The following DDI2 variants were observed in gnomAD, a reference collection of about 807,000 sequenced individuals.
DDI2 encodes the protein protein DDI1 homolog 2.
Under a neutral mutation model 48.1 loss-of-function variants are expected in DDI2, and 5 were observed. The observed-to-expected ratio is 0.10, with a 90% CI of 0.05 to 0.22. DDI2 has a LOEUF of 0.22. DDI2 is among the 10% of genes least tolerant of loss of function. DDI2 has a pLI of 1.00. For synonymous variants in DDI2, 205 were observed against 183.6 expected (o/e 1.12, Z -0.94); for missense variants, 285 against 506.2 (o/e 0.56, Z 4.19).
At chr1:15,659,024 T>C (rs894533592) in intron 9 of DDI2, among the ~76,000 whole-genome samples, 3 of 152,320 alleles carry the variant, frequency 2.0e-5, no homozygotes, top group East Asian at 3.9e-4. Flanking sequence ...TAAAAACTTA[T>C]AAGCCTTTTA....
At chr1:15,637,566 C>T (rs1446842259) in intron 4 of DDI2, among the ~76,000 whole-genome samples, 1 of 152,190 alleles carries the variant, frequency 6.6e-6, no homozygotes, top group Non-Finnish European at 1.5e-5. Context: ...TGGGGTTTCA[C>T]CATGTTGGCC....
intron 4 of DDI2, among the ~76,000 whole-genome samples, chr1:15,636,462 G>T (rs1285668766): frequency 6.7e-6 from 1 of 148,964 alleles, no homozygotes; most frequent in African/African-American, 2.6e-5. Flanking sequence ...GAAGAGACAG[G>T]GTCAGCACCA....
chr1:15,646,550 G>C (rs1476793680), intron 6 of DDI2, among the ~76,000 whole-genome samples: 1 of 152,136 alleles, frequency 6.6e-6, no homozygotes, highest in Non-Finnish European at 1.5e-5. Context: ...AGCCGGGCGT[G>C]GTGGCGGGTG....
intron 2 of DDI2, 132 bp downstream of exon 2, chr1:15,626,930 C>A: frequency 8.7e-7 from 1 of 1,148,966 alleles, no homozygotes; most frequent in South Asian, 1.5e-5. Flanking sequence ...TTTTCCCTGC[C>A]GTGTAACCTT....
chr1:15,650,126 T>C (rs532184973), intron 7 of DDI2, among the ~76,000 whole-genome samples: 1 of 152,316 alleles, frequency 6.6e-6, no homozygotes, highest in South Asian at 2.1e-4. Flanking sequence ...TAGTAGTTTT[T>C]TGATGACCTG....
At chr1:15,633,188 C>T (rs1298708148) in intron 3 of DDI2, among the ~76,000 whole-genome samples, 2 of 152,054 alleles carry the variant, frequency 1.3e-5, no homozygotes, top group Non-Finnish European at 2.9e-5. Flanking sequence ...CTCAGCCTCC[C>T]AAAGTGTCGA....
rs1039933824 is a variant in DDI2 at position 15,662,239 on chromosome 1, A to T, written c.*2449A>T. ...TGGAATTCTACCCAGTGCTCTGTGTATCATGATTCATTAATTATAACAGGA... is the reference window on the plus strand; with the variant it reads ...TGGAATTCTACCCAGTGCTCTGTGTTTCATGATTCATTAATTATAACAGGA... On this transcript the variant is annotated 3_prime_UTR_variant, in exon 10 of 10. Transcript: ENST00000480945. 6.5e-6 allele frequency: 1 copy of T among 152,756 alleles called. No individual in the cohort carries two copies. The highest frequency in any genetic ancestry group is 1.5e-5 in the Non-Finnish European group (1 of 68,440). The allele number at this position is 152,756 out of a possible 1,614,324, so 9.5% of individuals were successfully genotyped here. A position where few individuals can be genotyped will look rare whatever the true frequency, so the allele number is the denominator to read the frequency against.
In DDI2 at chr1:15,650,201, A is replaced by C. The variant is rs149499556; in HGVS notation, c.993+378A>C. Among the ~76,000 whole-genome samples the C allele has an allele frequency of 1.1e-3, 173 of 152,376 alleles. 1 individual carries two copies. Among genetic ancestry groups the C allele is most frequent in the African/African-American group, 3.9e-3 (164 of 41,590 alleles). ...GATGCTGATCAAACAGTACTTGGGA[A>C]GAAGACCTTCAAGGTTAAGGAAGGT... is the stretch of plus-strand genomic sequence containing the variant. On this transcript the variant is annotated intron_variant, in intron 7 of 9. Coordinates refer to ENST00000480945, the MANE Select transcript of DDI2 (RefSeq NM_032341.5).
chr1:15,661,019 C>A lies in DDI2; in HGVS notation c.*1229C>A, dbSNP rs1418458233. On this transcript the variant is annotated 3_prime_UTR_variant, in exon 10 of 10. Transcript: ENST00000480945. ...GAAGAAGTAATCTGTCAATCAGAAA[C>A]CATAGCTGAGGGCCAAACCAGTATT... The A allele has an allele frequency of 6.2e-7, 1 of 1,614,060 alleles. No individual in the cohort carries two copies. Among genetic ancestry groups the A allele is most frequent in the East Asian group, 2.2e-5 (1 of 44,884 alleles).
chr1:15,647,840 T>A (rs1640114957), intron 6 of DDI2, among the ~76,000 whole-genome samples: 2 of 152,072 alleles, frequency 1.3e-5, no homozygotes, highest in Non-Finnish European at 2.9e-5. Flanking sequence ...ACCGTACGCC[T>A]GTAGTCCCAG....
intron 8 of DDI2, among the ~76,000 whole-genome samples, chr1:15,654,526 C>T (rs562550450): frequency 2.0e-5 from 3 of 151,984 alleles, no homozygotes; most frequent in East Asian, 1.9e-4. Context: ...GCCATGGTGG[C>T]GCGCCTATGG....
At chr1:15,633,635 A>G in intron 4 of DDI2, 70 bp downstream of exon 4, 2 of 1,589,116 alleles carry the variant, frequency 1.3e-6, no homozygotes, top group South Asian at 2.2e-5. Context: ...GTTATCTGAC[A>G]TTGGTTGGGC....
intron 4 of DDI2, among the ~76,000 whole-genome samples, chr1:15,635,847 G>A (rs6668507): frequency 0.012 from 1,810 of 152,294 alleles, 30 homozygotes; most frequent in African/African-American, 0.033. Context: ...GCAAGATGAA[G>A]TATACAATTA....
chr1:15,623,444 A>C (rs1170422643), intron 1 of DDI2, among the ~76,000 whole-genome samples: 5 of 130,922 alleles, frequency 3.8e-5, no homozygotes, highest in Non-Finnish European at 7.7e-5. Flanking sequence ...CCCAGGCTGG[A>C]GTGCAGTGGT....
At chr1:15,648,556 C>A (rs980805940) in intron 6 of DDI2, among the ~76,000 whole-genome samples, 1 of 152,072 alleles carries the variant, frequency 6.6e-6, no homozygotes, top group African/African-American at 2.4e-5. Flanking sequence ...AAAACATTGC[C>A]TTCTAGATAT....
At chr1:15,630,275 C>T in intron 2 of DDI2, 50 bp from the exon 3 acceptor site, 1 of 1,577,752 alleles carries the variant, frequency 6.3e-7, no homozygotes, top group Non-Finnish European at 8.7e-7. Context: ...CCTTCAAGTG[C>T]TTGTTTTTGT....
intron 4 of DDI2, 149 bp from the exon 5 acceptor site, chr1:15,638,158 C>T: frequency 2.1e-6 from 2 of 965,332 alleles, no homozygotes; most frequent in South Asian, 3.1e-5. Flanking sequence ...TGATCTCTTG[C>T]CCCATATAGC....
At chr1:15,633,697 CT>C in intron 4 of DDI2, 132 bp downstream of exon 4, 1 of 1,332,180 alleles carries the variant, frequency 7.5e-7, no homozygotes, top group Non-Finnish European at 1.1e-6. Flanking sequence ...TAACCTCAGT[CT>C]TTTAGGTTAG....
chr1:15,636,753 C>T lies in DDI2; in HGVS notation c.633-1554C>T, dbSNP rs1197990580. On this transcript the variant is annotated intron_variant, in intron 4 of 9. Transcript: ENST00000480945. ...GGGATTATAGGCATGAGCTGCTGTG[C>T]CAGGCCTTAGTGGACTTTCTATAAA... 2.0e-5 allele frequency among the ~76,000 whole-genome samples: 3 copies of T among 152,220 alleles called. No individual in the cohort carries two copies. In the East Asian group the frequency reaches 5.8e-4, roughly 29 times the overall value.
Sources: gnomAD v4.1 joint callset for allele counts (sites outside exome capture counted in the v4.1 genomes callset) on GRCh38, gnomAD v4.1.1 for gene constraint, MANE v1.5 for transcripts, NCBI Gene and HGNC (gene_info 2026-07-23, HGNC 2026-07-21) for gene names.